Variants in ELP4 observed in about 807,000 individuals in gnomAD.
ELP4 encodes elongator acetyltransferase complex subunit 4.
In ELP4, 51 loss-of-function variants were observed where a neutral mutation model predicts 48.9. The ratio of observed to expected loss-of-function variants is 1.04; its 90% CI spans 0.83 to 1.32. The LOEUF (loss-of-function observed/expected upper bound fraction) is 1.32. ELP4 is among the 40% of genes most tolerant of loss of function. The pLI, the probability that ELP4 is intolerant of heterozygous loss-of-function variation, is 0.00. For synonymous variants in ELP4, 210 were observed against 189.2 expected, an observed-to-expected ratio of 1.11 and a Z score of -0.90; for missense variants, 519 against 514.6, an observed-to-expected ratio of 1.01 and a Z score of -0.08.
intron 9 of ELP4, among the ~76,000 whole-genome samples, chr11:31,673,971 G>T (rs1041729519): frequency 6.6e-6 from 1 of 152,184 alleles, no homozygotes; most frequent in Admixed American, 6.5e-5. Context: ...TATTGCCCAT[G>T]TTAGAGAACT....
intron 9 of ELP4, among the ~76,000 whole-genome samples, chr11:31,682,681 A>G (rs955829713): frequency 6.6e-6 from 1 of 152,190 alleles, no homozygotes; most frequent in African/African-American, 2.4e-5. Context: ...TCCTACCCAT[A>G]AAGAGCTCAT....
At chr11:31,584,384 T>C (rs542972846) in intron 3 of ELP4, among the ~76,000 whole-genome samples, 1 of 152,094 alleles carries the variant, frequency 6.6e-6, no homozygotes, top group Admixed American at 6.5e-5. Context: ...AATATTGATA[T>C]GATTTTATTA....
intron 3 of ELP4, among the ~76,000 whole-genome samples, chr11:31,558,597 A>G (rs534469340): frequency 9.9e-5 from 15 of 152,180 alleles, no homozygotes; most frequent in Non-Finnish European, 1.9e-4. Flanking sequence ...TTTAATTTCT[A>G]TGTTACCACT....
chr11:31,533,960 C>T (rs1956453177), intron 2 of ELP4, among the ~76,000 whole-genome samples: 1 of 151,972 alleles, frequency 6.6e-6, no homozygotes, highest in South Asian at 2.1e-4. Context: ...CACAGCCTCC[C>T]GAGTAGCTGG....
intron 1 of ELP4, among the ~76,000 whole-genome samples, chr11:31,518,494 A>ATTT (rs539723681): frequency 9.0e-5 from 11 of 122,846 alleles, no homozygotes; most frequent in Admixed American, 1.7e-4. Context: ...CATAGTTCAG[A>ATTT]TTTTTTTTTT....
intron 3 of ELP4, among the ~76,000 whole-genome samples, chr11:31,563,347 C>T (rs532155719): frequency 3.6e-4 from 54 of 151,932 alleles, no homozygotes; most frequent in Non-Finnish European, 1.6e-4. Context: ...TTTATTATGC[C>T]CTAGAGAACA....
At chr11:31,626,802 G>C (rs1418653661) in intron 5 of ELP4, among the ~76,000 whole-genome samples, 2 of 151,720 alleles carry the variant, frequency 1.3e-5, no homozygotes, top group East Asian at 3.9e-4. Context: ...TCATCTTTTA[G>C]GTTGCTGCAT....
intron 9 of ELP4, among the ~76,000 whole-genome samples, chr11:31,700,942 C>T (rs1189934688): frequency 2.0e-5 from 3 of 151,988 alleles, no homozygotes; most frequent in Admixed American, 6.6e-5. Flanking sequence ...TCCTCTCCTC[C>T]GTGGTTTTCA....
At chr11:31,651,287 G>A (rs190044076) in intron 9 of ELP4, 2 of 151,774 alleles carry the variant, frequency 1.3e-5, no homozygotes, top group Admixed American at 6.6e-5. Context: ...CCTATCCAGT[G>A]ACAAATTAAT....
chr11:31,739,044 G>A (rs1180960436), intron 9 of ELP4, among the ~76,000 whole-genome samples: 1 of 152,002 alleles, frequency 6.6e-6, no homozygotes, highest in Non-Finnish European at 1.5e-5. Context: ...CACCTAAAAA[G>A]TCATTAAGAG....
intron 9 of ELP4, among the ~76,000 whole-genome samples, chr11:31,782,260 CT>C (rs1165896663): frequency 6.6e-6 from 1 of 152,212 alleles, no homozygotes; most frequent in African/African-American, 2.4e-5. Flanking sequence ...GGAGCATATG[CT>C]TGTGGACCAC....
intron 3 of ELP4, among the ~76,000 whole-genome samples, chr11:31,545,702 A>G (rs1485836330): frequency 1.3e-5 from 2 of 152,186 alleles, no homozygotes; most frequent in Non-Finnish European, 2.9e-5. Flanking sequence ...CAAAGTTGAA[A>G]TGAAGGAAAA....
At chr11:31,775,368 C>T (rs60926911) in intron 9 of ELP4, among the ~76,000 whole-genome samples, 6,067 of 152,216 alleles carry the variant, frequency 0.04, 438 homozygotes, top group African/African-American at 0.14. Context: ...CCTTGCACAT[C>T]AAAACTGTAT....
At chr11:31,761,968 T>C (rs554069273) in intron 9 of ELP4, 2 of 152,402 alleles carry the variant, frequency 1.3e-5, no homozygotes, top group Admixed American at 1.3e-4. Context: ...ATTTAAGTAA[T>C]AAGTGGCGAC....
intron 9 of ELP4, among the ~76,000 whole-genome samples, chr11:31,745,542 G>T (rs904293821): frequency 6.0e-4 from 92 of 152,192 alleles, no homozygotes; most frequent in Non-Finnish European, 1.1e-3. Flanking sequence ...CCAAAACAGA[G>T]ATATAGACCA....
rs966440485 is a variant in ELP4, at chr11:31,780,043, A to G, written c.1144-3350A>G. 5.3e-5 allele frequency: 8 copies of G among 152,188 alleles called. 1 individual carries two copies. The highest frequency in any genetic ancestry group is 3.3e-4 in the Admixed American group (5 of 15,274). 9.4% of individuals were successfully genotyped at this position (152,188 alleles called of 1,614,324 possible). A position where few individuals can be genotyped will look rare whatever the true frequency, so the allele number is the denominator to read the frequency against. On this transcript the variant is annotated intron_variant, in intron 9 of 9. Transcript: ENST00000640961. The stretch of plus-strand genomic sequence containing the variant: ...TTTGGTTTTCAAGGTTGAGAATAAT[A>G]TGATTTTTTTGTGGTCTGATTTTTC...
intron 9 of ELP4, among the ~76,000 whole-genome samples, chr11:31,697,671 C>A (rs1174256419): frequency 6.6e-6 from 1 of 151,836 alleles, no homozygotes. Flanking sequence ...ACATGTATAC[C>A]ACGTAGTCAG....
chr11:31,647,932 T>G (rs1945240005), intron 8 of ELP4, 83 bp downstream of exon 8: 1 of 772,322 alleles, frequency 1.3e-6, no homozygotes, highest in East Asian at 2.5e-5. Flanking sequence ...TCCAAATATC[T>G]ACTGTCAAGG....
chr11:31,540,995 A>C (rs1387269296), intron 3 of ELP4, among the ~76,000 whole-genome samples: 1 of 152,232 alleles, frequency 6.6e-6, no homozygotes, highest in Non-Finnish European at 1.5e-5. Flanking sequence ...TTCTTTGTCC[A>C]TAACAGAATC....
Sources: allele counts gnomAD v4.1 joint callset (sites outside exome capture counted in the v4.1 genomes callset), GRCh38; gene constraint gnomAD v4.1.1; transcripts MANE v1.5; gene names NCBI Gene and HGNC (gene_info 2026-07-23, HGNC 2026-07-21).